The following SLC8A2 variants were observed in gnomAD, a reference collection of about 807,000 sequenced individuals.
The protein encoded by SLC8A2 is solute carrier family 8 member A2, also known as sodium/calcium exchanger 2.
In SLC8A2, 14 loss-of-function variants were observed where a neutral mutation model predicts 70.2. The ratio of observed to expected loss-of-function variants is 0.20; its 90% CI spans 0.13 to 0.31. The LOEUF is 0.31. Among genes scored for constraint, SLC8A2 ranks in the 10% least tolerant of loss-of-function variants. The pLI is 1.00. For missense variants in SLC8A2, 779 were observed against 1,320.1 expected (o/e 0.59, Z 6.35); for synonymous variants, 575 against 594.3 (o/e 0.97, Z 0.47).
At position 47,450,862 on chromosome 19, in the gene SLC8A2, C is replaced by T. The variant is rs114055164; in HGVS notation, c.1341-2631G>A. ...CGCTGTGGTGAGGACTGAATTGATA[C>T]AGGGGAAGCACCCAGAGGCACAGTT... On this transcript the variant is annotated intron_variant, in intron 3 of 9. Transcript: ENST00000236877. Among the ~76,000 whole-genome samples the T allele has an allele frequency of 2.9e-3, 444 of 152,166 alleles. 3 individuals carry two copies. Among genetic ancestry groups the T allele is most frequent in the African/African-American group, 0.01 (417 of 41,488 alleles).
At chr19:47,458,975 CCT>C (rs2122646160) in intron 2 of SLC8A2, among the ~76,000 whole-genome samples, 1 of 150,296 alleles carries the variant, frequency 6.7e-6, no homozygotes, top group South Asian at 2.1e-4. Flanking sequence ...CTCATCTCTG[CCT>C]CTCCCTATCT....
chr19:47,452,547 T>G (rs1373961425), intron 3 of SLC8A2, among the ~76,000 whole-genome samples: 5 of 149,996 alleles, frequency 3.3e-5, no homozygotes, highest in Non-Finnish European at 3.0e-5. Context: ...CACTGCAACC[T>G]CTGACTCCTG....
chr19:47,448,558 A>G lies in SLC8A2; in HGVS notation c.1341-327T>C, dbSNP rs1490863854. Among the ~76,000 whole-genome samples the G allele has an allele frequency of 1.3e-5, 2 of 152,040 alleles. No individual in the cohort carries two copies. Among genetic ancestry groups the G allele is most frequent in the African/African-American group, 2.4e-5 (1 of 41,388 alleles). ...GGAGGAGGCATTAGCAGGTGGGCAT[A>G]CTCCAGGCAGAAGGAACAGCACATG... On this transcript the variant is annotated intron_variant, in intron 3 of 9. Transcript: ENST00000236877. The surrounding 1 kb of genome is among the most constrained non-coding windows in gnomAD (Gnocchi z 4.8).
At position 47,447,661 on chromosome 19, in the gene SLC8A2, C is replaced by A; in HGVS notation, c.1763+148G>T. ...ACAGGCCCCGCCCACGTTGCGGGCA[C>A]GGCCACGCAGGCCCCTCCCCTCCCG... On this transcript the variant is annotated intron_variant, in intron 4 of 9. Transcript: ENST00000236877. The surrounding 1 kb of genome is among the most constrained non-coding windows in gnomAD (Gnocchi z 5.1). 2 of 807,596 alleles carry A rather than the reference C, an allele frequency of 2.5e-6. No individual in the cohort carries two copies. The highest frequency in any genetic ancestry group is 3.7e-6 in the Non-Finnish European group (2 of 546,718). 50.0% of individuals were successfully genotyped at this position (807,596 alleles called of 1,614,324 possible).
chr19:47,446,665 T>C (rs1967166483), intron 4 of SLC8A2, among the ~76,000 whole-genome samples: 1 of 152,120 alleles, frequency 6.6e-6, no homozygotes, highest in Non-Finnish European at 1.5e-5. Flanking sequence ...CCCGCCTCAG[T>C]TTCCTAAAGT....
chr19:47,447,416 T>C lies in SLC8A2; in HGVS notation c.1763+393A>G, dbSNP rs1337216184. The C allele has an allele frequency of 3.8e-6, 1 of 260,852 alleles. No individual in the cohort carries two copies. The highest frequency in any genetic ancestry group is 7.4e-6 in the Non-Finnish European group (1 of 135,400). 16.2% of individuals were successfully genotyped at this position (260,852 alleles called of 1,614,324 possible). Reference sequence around the variant, plus strand: ...TCCTCACCTCGTCCCCCCTTCCTCCTTGGGGCCCTCTTCTCACCTGTCCGG... The same window carrying C: ...TCCTCACCTCGTCCCCCCTTCCTCCCTGGGGCCCTCTTCTCACCTGTCCGG... On this transcript the variant is annotated intron_variant, in intron 4 of 9. Coordinates refer to ENST00000236877, the MANE Select transcript of SLC8A2 (RefSeq NM_015063.3). The surrounding 1 kb of genome is among the most constrained non-coding windows in gnomAD (Gnocchi z 5.1).
chr19:47,453,305 C>A (rs945567534), intron 3 of SLC8A2, among the ~76,000 whole-genome samples: 1 of 152,218 alleles, frequency 6.6e-6, no homozygotes, highest in Non-Finnish European at 1.5e-5. Flanking sequence ...ACAATGTCCA[C>A]TATGAAGAGA....
In SLC8A2 at chr19:47,428,322, T is replaced by TG. The variant is rs1234371529; in HGVS notation, c.*1766dup. The TG allele has an allele frequency of 6.7e-6, 1 of 148,748 alleles. No homozygotes were observed. Among genetic ancestry groups the TG allele is most frequent in the Non-Finnish European group, 1.5e-5 (1 of 67,606 alleles). The allele number at this position is 148,748 out of a possible 1,614,324, so 9.2% of individuals were successfully genotyped here. ...CAAGTGGAGGAGCTTGGCTGATGAA[T>TG]GGGGGCGTGGTTAGTGGAAACCCAC... On this transcript the variant is annotated 3_prime_UTR_variant, in exon 10 of 10. Transcript: ENST00000236877.
intron 3 of SLC8A2, 34 bp downstream of exon 3, chr19:47,456,896 G>A (rs1568445596): frequency 6.5e-7 from 1 of 1,540,290 alleles, no homozygotes. Context: ...GCCTGCGCCA[G>A]CCCCCTGCAC....
In SLC8A2 at chr19:47,456,928, A is replaced by C; in HGVS notation, c.1340+2T>G. 6.2e-7 allele frequency: 1 copy of C among 1,600,440 alleles called. No individual in the cohort carries two copies. The highest frequency in any genetic ancestry group is 8.5e-7 in the Non-Finnish European group (1 of 1,173,644). On this transcript the variant is annotated splice_donor_variant, in intron 3 of 9. Transcript: ENST00000236877. LOFTEE classifies it high-confidence loss of function. Reference sequence around the variant, plus strand: ...GCACACCCCCCACCCCGGGGGACCCACCTGTACTCGTAGTCGGAGCCCGCC... The same window carrying C: ...GCACACCCCCCACCCCGGGGGACCCCCCTGTACTCGTAGTCGGAGCCCGCC...
At chr19:47,467,790 A>T (rs1032265253) in intron 1 of SLC8A2, among the ~76,000 whole-genome samples, 2 of 146,474 alleles carry the variant, frequency 1.4e-5, no homozygotes, top group Non-Finnish European at 3.0e-5. Flanking sequence ...CAGGAGTTTG[A>T]GACCAGCCTG....
chr19:47,443,222 C>A (rs1359990280), intron 4 of SLC8A2, among the ~76,000 whole-genome samples: 6 of 152,216 alleles, frequency 3.9e-5, no homozygotes, highest in Non-Finnish European at 8.8e-5. Context: ...TCTGTCCCAA[C>A]CAGATCTGGA....
chr19:47,441,887 A>T (rs1226407437), intron 4 of SLC8A2, among the ~76,000 whole-genome samples: 1 of 152,172 alleles, frequency 6.6e-6, no homozygotes, highest in Non-Finnish European at 1.5e-5. Context: ...GCGGATCACG[A>T]GGTCAAGAGA....
At chr19:47,433,927 G>A (rs1456180923) in intron 8 of SLC8A2, among the ~76,000 whole-genome samples, 2 of 152,066 alleles carry the variant, frequency 1.3e-5, no homozygotes, top group Non-Finnish European at 2.9e-5. Context: ...TACAGGTGTC[G>A]GCCACCGTGC....
Position 47,465,434 on chromosome 19 carries a change from G to A in SLC8A2, c.675+295C>T, listed in dbSNP as rs952558853. Reference sequence around the variant, plus strand: ...TAAAAGGTGCCCCTTCCAAGTGAGTGTACTGTTCTTAAGTGCAAAACAGTG... The same window carrying A: ...TAAAAGGTGCCCCTTCCAAGTGAGTATACTGTTCTTAAGTGCAAAACAGTG... On this transcript the variant is annotated intron_variant, in intron 2 of 9. Transcript: ENST00000236877. The surrounding 1 kb of genome is among the most constrained non-coding windows in gnomAD (Gnocchi z 5.5). 2.0e-5 allele frequency among the ~76,000 whole-genome samples: 3 copies of A among 152,218 alleles called. No individual in the cohort carries two copies. The highest frequency in any genetic ancestry group is 2.9e-5 in the Non-Finnish European group (2 of 68,028).
At chr19:47,464,787 G>T (rs779912543) in intron 2 of SLC8A2, among the ~76,000 whole-genome samples, 8 of 152,208 alleles carry the variant, frequency 5.3e-5, no homozygotes, top group Non-Finnish European at 8.8e-5. Context: ...ACTGAATTAG[G>T]CCAGGCCCAT....
Position 47,441,435 on chromosome 19 carries a change from G to A in SLC8A2, c.1769C>T (p.Thr590Ile). The A allele has an allele frequency of 6.2e-7, 1 of 1,606,350 alleles. No individual in the cohort carries two copies. The highest frequency in any genetic ancestry group is 1.7e-4 in the Middle Eastern group (1 of 6,050). ...LEFGDDETMK[T>I]LQVKIVDDEE... Reference sequence around the variant, plus strand: ...GTCATCAACTATCTTCACCTGAAGAGTTTTCCTGTGCAGGGGGTAAGGGGG... The same window carrying A: ...GTCATCAACTATCTTCACCTGAAGAATTTTCCTGTGCAGGGGGTAAGGGGG... The change falls in exon 5 of 10, where the codon ACT becomes ATT. Residue 590 changes from threonine to isoleucine, a missense_variant. This residue lies in a region of SLC8A2 where 247 missense variants were observed against 362.8 expected (regional missense o/e 0.68). Coordinates refer to ENST00000236877, the MANE Select transcript of SLC8A2 (RefSeq NM_015063.3).
rs1452025608 is a variant in SLC8A2 at position 47,428,642 on chromosome 19, C to A, written c.*1447G>T. On this transcript the variant is annotated 3_prime_UTR_variant, in exon 10 of 10. Coordinates refer to ENST00000236877, the MANE Select transcript of SLC8A2 (RefSeq NM_015063.3). The stretch of plus-strand genomic sequence containing the variant: ...CTTATTAGCCCCCTCCTCCTGAATC[C>A]CAGCTTCCCACGGGACTGTTTTTCA... 1 of 152,564 alleles carries A rather than the reference C, an allele frequency of 6.6e-6. No homozygotes were observed. The highest frequency in any genetic ancestry group is 6.5e-5 in the Admixed American group (1 of 15,274). The allele number at this position is 152,564 out of a possible 1,614,324, so 9.5% of individuals were successfully genotyped here.
At chr19:47,455,739 A>G (rs1375764239) in intron 3 of SLC8A2, among the ~76,000 whole-genome samples, 1 of 152,200 alleles carries the variant, frequency 6.6e-6, no homozygotes, top group Non-Finnish European at 1.5e-5. Context: ...GAGGACAGAG[A>G]TCTTATCTAT....
Sources: allele counts gnomAD v4.1 joint callset (sites outside exome capture counted in the v4.1 genomes callset), GRCh38; gene constraint gnomAD v4.1.1; regional missense constraint gnomAD v4.1.1; non-coding constraint Gnocchi (gnomAD v3.1); transcripts MANE v1.5; gene names NCBI Gene and HGNC (gene_info 2026-07-23, HGNC 2026-07-21).